The following CDC45 variants were observed in gnomAD, a reference collection of about 807,000 sequenced individuals.
CDC45 encodes cell division control protein 45 homolog.
CDC45 carries 54 observed loss-of-function variants against 77.8 expected under a neutral mutation model. That is an observed-to-expected ratio of 0.69 (90% confidence interval 0.56 to 0.87). The LOEUF is 0.87. CDC45 is among the 40% of genes least tolerant of loss of function. The probability of loss-of-function intolerance (pLI) is 0.00; values close to 1 mark genes in which losing one functional copy is unlikely to be tolerated. For missense variants in CDC45, 649 were observed against 721.6 expected (o/e 0.90, Z 1.15); for synonymous variants, 260 against 272.1 (o/e 0.96, Z 0.44).
rs758691421 is a variant in CDC45, at chr22:19,480,950, C to T, written c.112-3C>T. 1.2e-6 allele frequency: 2 copies of T among 1,603,272 alleles called. No individual in the cohort carries two copies. The highest frequency in any genetic ancestry group is 2.2e-5 in the South Asian group (2 of 89,970). On this transcript the variant is annotated splice_region_variant and splice_polypyrimidine_tract_variant and intron_variant, in intron 2 of 18. Transcript: ENST00000263201. Reference sequence around the variant, plus strand: ...ATAGGCTTTGAAAACACTCTCTCTCCAGGCCTTGTTCCAGTGTGACCACGT... The same window carrying T: ...ATAGGCTTTGAAAACACTCTCTCTCTAGGCCTTGTTCCAGTGTGACCACGT...
At chr22:19,517,507 G>C (rs1280615650) in intron 17 of CDC45, among the ~76,000 whole-genome samples, 1 of 152,198 alleles carries the variant, frequency 6.6e-6, no homozygotes, top group African/African-American at 2.4e-5. Context: ...TAAAACAGAC[G>C]TATTGATATT....
intron 9 of CDC45, among the ~76,000 whole-genome samples, chr22:19,503,796 C>A (rs1278428003): frequency 6.6e-6 from 1 of 151,984 alleles, no homozygotes; most frequent in African/African-American, 2.4e-5. Flanking sequence ...TCAGAGGGAG[C>A]CACAAAACCT....
At chr22:19,485,178 CA>C (rs1285359474) in intron 5 of CDC45, among the ~76,000 whole-genome samples, 3 of 152,086 alleles carry the variant, frequency 2.0e-5, no homozygotes, top group African/African-American at 7.2e-5. Context: ...CATTGGTTCC[CA>C]AATGTCAGTA....
chr22:19,489,165 A>C (rs962142573), intron 5 of CDC45, among the ~76,000 whole-genome samples: 3 of 152,214 alleles, frequency 2.0e-5, no homozygotes, highest in Non-Finnish European at 2.9e-5. Context: ...AACTGAGACT[A>C]TCTCTAAAGA....
At chr22:19,494,772 C>T (rs976566988) in intron 6 of CDC45, among the ~76,000 whole-genome samples, 5 of 152,184 alleles carry the variant, frequency 3.3e-5, no homozygotes, top group Admixed American at 1.3e-4. Context: ...TGAGGTGGGT[C>T]CCGGGGGAAG....
chr22:19,500,707 C>A (rs1024695700), intron 9 of CDC45, among the ~76,000 whole-genome samples: 1 of 152,014 alleles, frequency 6.6e-6, no homozygotes, highest in East Asian at 1.9e-4. Context: ...CAGCCCTCCA[C>A]AGTCTCCCTA....
intron 5 of CDC45, among the ~76,000 whole-genome samples, chr22:19,484,883 C>T (rs1444475192): frequency 6.6e-6 from 1 of 152,076 alleles, no homozygotes; most frequent in Non-Finnish European, 1.5e-5. Context: ...GTTATATTTT[C>T]TTACCTCTTG....
rs764384950 is a variant in CDC45 at position 19,518,891 on chromosome 22, A to T, written c.1684A>T (p.Ile562Phe). 13 of 1,613,850 alleles carry T rather than the reference A, an allele frequency of 8.1e-6. No homozygotes were observed. The highest frequency in any genetic ancestry group is 1.1e-5 in the Non-Finnish European group (13 of 1,179,866). Residue 562 changes from isoleucine (I) to phenylalanine (F), a missense_variant, in exon 18 of 19, where the codon ATT (isoleucine) becomes TTT (phenylalanine). Coordinates refer to ENST00000263201, the MANE Select transcript of CDC45 (RefSeq NM_003504.5). ...EDRSKFLDAL[I>F]SLLS ...TCGGAGCAAGTTTCTGGACGCACTT[A>T]TTTCCCTCCTGTCCTAGGGTGAGTT...
At chr22:19,513,396 G>A (rs1402019167) in intron 13 of CDC45, among the ~76,000 whole-genome samples, 2 of 151,982 alleles carry the variant, frequency 1.3e-5, no homozygotes, top group Non-Finnish European at 2.9e-5. Context: ...AGACAATCAT[G>A]TGTAGTAATA....
intron 5 of CDC45, among the ~76,000 whole-genome samples, chr22:19,487,910 C>CAAAAAAA (rs11291499): frequency 1.5e-5 from 1 of 68,754 alleles, no homozygotes; most frequent in Non-Finnish European, 2.6e-5. Context: ...GACTCCGTCT[C>CAAAAAAA]AAAAAAAAAA....
intron 7 of CDC45, among the ~76,000 whole-genome samples, chr22:19,496,285 G>A (rs1485894830): frequency 6.6e-6 from 1 of 152,182 alleles, no homozygotes; most frequent in East Asian, 1.9e-4. Context: ...GGTGATCAAA[G>A]AAGAGCAGCG....
intron 5 of CDC45, among the ~76,000 whole-genome samples, chr22:19,492,368 A>G (rs1382304252): frequency 6.6e-6 from 1 of 151,882 alleles, no homozygotes; most frequent in Non-Finnish European, 1.5e-5. Context: ...CTGAGTTAAT[A>G]TTCCAGTTGT....
intron 9 of CDC45, among the ~76,000 whole-genome samples, chr22:19,504,189 G>A (rs1466888161): frequency 4.6e-5 from 7 of 152,268 alleles, no homozygotes; most frequent in Admixed American, 2.6e-4. Flanking sequence ...AGACAGCAGA[G>A]TTTGCAGCAG....
In CDC45 at chr22:19,507,810, TCTC is replaced by T. The variant is rs762283906; in HGVS notation, c.1004_1006del (p.Ser335del). ...AAGCAGAAGTTCCAGGCCATGGACA[TCTC>T]CTTGAAGGAGAATTTGCGGGAAATG... On this transcript the variant is annotated inframe_deletion, in exon 12 of 19. Coordinates refer to ENST00000263201, the MANE Select transcript of CDC45 (RefSeq NM_003504.5). 4 of 1,602,316 alleles carry T rather than the reference TCTC, an allele frequency of 2.5e-6. No homozygotes were observed. The highest frequency in any genetic ancestry group is 4.5e-5 in the East Asian group (2 of 44,808).
chr22:19,499,274 G>A lies in CDC45; in HGVS notation c.704+123G>A, dbSNP rs750512217. ...GGGTCCTATTGAGAAGTGAGGACTG[G>A]CCCTCCTCCTTGGGCCCAAGCATTT... On this transcript the variant is annotated intron_variant, in intron 9 of 18. Coordinates refer to ENST00000263201, the MANE Select transcript of CDC45 (RefSeq NM_003504.5). 42 of 935,672 alleles carry A rather than the reference G, an allele frequency of 4.5e-5. 1 individual carries two copies. In the South Asian group the frequency reaches 4.7e-4, roughly 10 times the overall value. 58.0% of individuals were successfully genotyped at this position (935,672 alleles called of 1,614,324 possible).
chr22:19,505,481 A>G lies in CDC45; in HGVS notation c.824A>G (p.Asp275Gly). The change falls in exon 10 of 19, where the codon GAC (aspartate) becomes GGC (glycine). Residue 275 changes from aspartate to glycine, a missense_variant and splice_region_variant. Physicochemically the swap from Asp to Gly is moderately conservative, Grantham distance 94 (BLOSUM62 -1). Transcript: ENST00000263201. ...TGCACACGGATCTCCTTTGAGTATG[A>G]GTATCCTTGTGGCCCAGCCTGAGGG... ...VDCTRISFEY[D>G]LRLVLYQHWS... The G allele has an allele frequency of 6.2e-7, 1 of 1,614,012 alleles. No homozygotes were observed. The highest frequency in any genetic ancestry group is 8.5e-7 in the Non-Finnish European group (1 of 1,179,954).
chr22:19,481,486 C>T (rs920560317), intron 3 of CDC45, among the ~76,000 whole-genome samples: 4 of 152,014 alleles, frequency 2.6e-5, no homozygotes, highest in Non-Finnish European at 5.9e-5. Context: ...TCATGCCATT[C>T]TTCTGCCTCA....
intron 10 of CDC45, among the ~76,000 whole-genome samples, chr22:19,506,548 C>G (rs1054666928): frequency 3.9e-5 from 6 of 152,084 alleles, no homozygotes; most frequent in African/African-American, 1.4e-4. Context: ...GGACCAGGCT[C>G]TCGTCCTGTA....
chr22:19,483,738 G>C (rs1333482276), intron 4 of CDC45, 124 bp from the exon 5 acceptor site: 4 of 901,816 alleles, frequency 4.4e-6, no homozygotes, highest in Non-Finnish European at 6.8e-6. Context: ...TAAATAGGTA[G>C]CTATTTGTAT....
Sources: allele counts gnomAD v4.1 joint callset (sites outside exome capture counted in the v4.1 genomes callset), GRCh38; gene constraint gnomAD v4.1.1; transcripts MANE v1.5; gene names NCBI Gene and HGNC (gene_info 2026-07-23, HGNC 2026-07-21).